SGK3: variants seen among roughly 807,000 people sequenced by gnomAD.
SGK3 encodes serum/glucocorticoid regulated kinase family member 3, also known as serine/threonine-protein kinase Sgk3.
SGK3 carries 47 observed loss-of-function variants against 68.5 expected under a neutral mutation model. The observed-to-expected ratio is 0.69, with a 90% confidence interval of 0.54 to 0.87. The LOEUF (loss-of-function observed/expected upper bound fraction) is 0.87. SGK3 is among the 40% of genes least tolerant of loss of function. The pLI, the probability that SGK3 is intolerant of heterozygous loss-of-function variation, is 0.00. For missense variants in SGK3, 479 were observed against 575.5 expected (o/e 0.83, Z 1.72); for synonymous variants, 181 against 189.1 (o/e 0.96, Z 0.35).
chr8:66,857,799 ATGTGTGTGTGTGTGTGTG>A (rs111758415), intron 16 of SGK3, among the ~76,000 whole-genome samples: 1,679 of 133,822 alleles, frequency 0.013, 40 homozygotes, highest in African/African-American at 0.043. Flanking sequence ...GTGTGTGTGT[ATGTGTGTGTGTGTGTGTG>A]TGTGTGTGTG....
intron 2 of SGK3, among the ~76,000 whole-genome samples, chr8:66,796,224 C>T (rs1181845995): frequency 1.3e-5 from 2 of 151,822 alleles, no homozygotes; most frequent in African/African-American, 2.4e-5. Context: ...GCAACCTCCA[C>T]CTCCTGGGTT....
chr8:66,739,181 A>G (rs1044590062), intron 1 of SGK3, among the ~76,000 whole-genome samples: 1 of 152,216 alleles, frequency 6.6e-6, no homozygotes, highest in African/African-American at 2.4e-5. Context: ...AAGTTCAAGG[A>G]CATGGCGCTG....
intron 1 of SGK3, among the ~76,000 whole-genome samples, chr8:66,784,185 A>G (rs76174311): frequency 0.13 from 19,784 of 152,092 alleles, 2,446 homozygotes; most frequent in African/African-American, 0.32. Context: ...ACAGGTGTCA[A>G]CCATCACCCG....
At chr8:66,723,163 C>T (rs1207630564) in intron 1 of SGK3, among the ~76,000 whole-genome samples, 1 of 92,112 alleles carries the variant, frequency 1.1e-5, no homozygotes, top group Non-Finnish European at 2.0e-5. Flanking sequence ...GTAAAAGGGT[C>T]GGCTGGGCAC....
intron 1 of SGK3, among the ~76,000 whole-genome samples, chr8:66,738,650 C>T (rs771473940): frequency 1.2e-4 from 18 of 150,288 alleles, no homozygotes; most frequent in Admixed American, 8.6e-4. Context: ...TTTTTTGAGA[C>T]GGAGTCTTGC....
chr8:66,786,610 A>G (rs1807209197), intron 1 of SGK3, among the ~76,000 whole-genome samples: 1 of 152,206 alleles, frequency 6.6e-6, no homozygotes, highest in African/African-American at 2.4e-5. Flanking sequence ...ATTGCCTGTT[A>G]GTTGCATATT....
chr8:66,855,934 A>T (rs917770206), intron 16 of SGK3, among the ~76,000 whole-genome samples: 2 of 152,240 alleles, frequency 1.3e-5, no homozygotes, highest in African/African-American at 4.8e-5. Flanking sequence ...ATGAGATAGT[A>T]CTGTAATTTT....
At chr8:66,810,002 A>C (rs1465877818) in intron 4 of SGK3, among the ~76,000 whole-genome samples, 3 of 152,204 alleles carry the variant, frequency 2.0e-5, no homozygotes, top group Non-Finnish European at 4.4e-5. Flanking sequence ...TCTATGACTT[A>C]GTCTTGGAAG....
At chr8:66,797,318 A>ATCTCTTG (rs1807738874) in intron 2 of SGK3, among the ~76,000 whole-genome samples, 1 of 152,154 alleles carries the variant, frequency 6.6e-6, no homozygotes, top group Non-Finnish European at 1.5e-5. Flanking sequence ...GTGTGAGATA[A>ATCTCTTG]TCTCTTGTCT....
intron 1 of SGK3, among the ~76,000 whole-genome samples, chr8:66,772,401 T>C (rs1806539971): frequency 8.8e-6 from 1 of 113,214 alleles, no homozygotes; most frequent in African/African-American, 5.2e-5. Flanking sequence ...TAAATATTCT[T>C]TTTTTTTTTT....
intron 3 of SGK3, among the ~76,000 whole-genome samples, chr8:66,799,597 A>G (rs1287722552): frequency 1.3e-5 from 2 of 152,192 alleles, no homozygotes; most frequent in East Asian, 3.9e-4. Flanking sequence ...AACAAAAGCA[A>G]TTGTGCCTCA....
chr8:66,793,683 C>T lies in SGK3; in HGVS notation c.-54C>T. ...TTTTGGATTAGTTAATTGGGTTTGT[C>T]CTCTGCTGACTGTTTCTTCGGATGC... On this transcript the variant is annotated 5_prime_UTR_variant, in exon 2 of 17. Coordinates refer to ENST00000521198, the MANE Select transcript of SGK3 (RefSeq NM_001033578.3). 6.4e-7 allele frequency: 1 copy of T among 1,558,482 alleles called. No homozygotes were observed. Among genetic ancestry groups the T allele is most frequent in the Non-Finnish European group, 8.7e-7 (1 of 1,143,566 alleles).
Position 66,804,333 on chromosome 8 carries a change from T to G in SGK3, c.181-42T>G, listed in dbSNP as rs1485416539. 5 of 1,539,606 alleles carry G rather than the reference T, an allele frequency of 3.2e-6. No individual in the cohort carries two copies. In the South Asian group the frequency reaches 5.9e-5, roughly 18 times the overall value. On this transcript the variant is annotated intron_variant, in intron 3 of 16. Coordinates refer to ENST00000521198, the MANE Select transcript of SGK3 (RefSeq NM_001033578.3). Reference sequence around the variant, plus strand: ...TTTGATGTGTGCATAACTAGAAGACTTATAAAATTAGTTCATATAATGTTA... The same window carrying G: ...TTTGATGTGTGCATAACTAGAAGACGTATAAAATTAGTTCATATAATGTTA...
chr8:66,810,647 G>A (rs1258793780), intron 4 of SGK3, among the ~76,000 whole-genome samples: 3 of 152,216 alleles, frequency 2.0e-5, no homozygotes, highest in African/African-American at 7.2e-5. Context: ...GTTGCAGTGA[G>A]CTGGAATCAT....
chr8:66,735,535 G>A (rs1287407000), intron 1 of SGK3, among the ~76,000 whole-genome samples: 3 of 152,056 alleles, frequency 2.0e-5, no homozygotes, highest in Non-Finnish European at 4.4e-5. Context: ...GTATCTGTTG[G>A]GCAATTCTGT....
chr8:66,734,253 A>AT (rs1805252836), intron 1 of SGK3, among the ~76,000 whole-genome samples: 1 of 52,182 alleles, frequency 1.9e-5, no homozygotes, highest in Non-Finnish European at 4.1e-5. Flanking sequence ...TTTTTTTACC[A>AT]TTTTGAAATG....
At chr8:66,775,763 A>G (rs1806683195) in intron 1 of SGK3, 1 of 152,252 alleles carries the variant, frequency 6.6e-6, no homozygotes, top group South Asian at 2.1e-4. Flanking sequence ...AGAAAGGTGT[A>G]GTAGAAACGG....
intron 16 of SGK3, among the ~76,000 whole-genome samples, chr8:66,851,659 A>G (rs979624531): frequency 1.3e-5 from 2 of 152,132 alleles, no homozygotes; most frequent in Non-Finnish European, 2.9e-5. Flanking sequence ...TGTTAAATCT[A>G]CTTGATGGAA....
chr8:66,790,910 C>T (rs1160470673), intron 1 of SGK3: 4 of 152,194 alleles, frequency 2.6e-5, no homozygotes, highest in Non-Finnish European at 4.4e-5. Flanking sequence ...GTCAAATACA[C>T]ATTCCATTTT....
Sources: gnomAD v4.1 joint callset for allele counts (sites outside exome capture counted in the v4.1 genomes callset) on GRCh38, gnomAD v4.1.1 for gene constraint, MANE v1.5 for transcripts, NCBI Gene and HGNC (gene_info 2026-07-23, HGNC 2026-07-21) for gene names.